The following RARB variants were observed in gnomAD, a reference collection of about 807,000 sequenced individuals.
RARB encodes the protein HBV-activated protein.
In RARB, 17 loss-of-function variants were observed where a neutral mutation model predicts 51.9. The observed-to-expected ratio is 0.33, with a 90% CI of 0.22 to 0.49. RARB has a LOEUF of 0.49. Among genes scored for constraint, RARB ranks in the 20% least tolerant of loss-of-function variants. The pLI is 0.99. For missense variants in RARB, 369 were observed against 550.8 expected, an observed-to-expected ratio of 0.67 and a Z score of 3.30; for synonymous variants, 215 against 195.4, an observed-to-expected ratio of 1.10 and a Z score of -0.84.
chr3:25,036,008 G>A (rs1279657215), intron 2 of RARB, among the ~76,000 whole-genome samples: 1 of 152,166 alleles, frequency 6.6e-6, no homozygotes. Flanking sequence ...GTAGGAAATT[G>A]CTGTTTTTAA....
chr3:25,439,900 T>A (rs890256141), intron 1 of RARB, among the ~76,000 whole-genome samples: 22 of 152,208 alleles, frequency 1.4e-4, no homozygotes, highest in African/African-American at 5.3e-4. Flanking sequence ...GACGCTAACA[T>A]GTGATGCAGT....
At chr3:25,434,243 G>T (rs1708328658) in intron 1 of RARB, among the ~76,000 whole-genome samples, 1 of 152,234 alleles carries the variant, frequency 6.6e-6, no homozygotes. Flanking sequence ...GTGATAGTGG[G>T]TGATGATGTC....
chr3:24,851,574 C>T (rs1191347551), intron 1 of RARB, among the ~76,000 whole-genome samples: 1 of 152,178 alleles, frequency 6.6e-6, no homozygotes, highest in African/African-American at 2.4e-5. Context: ...CATCAATACT[C>T]TTCAATCACA....
chr3:24,999,910 T>TA (rs988801725), intron 2 of RARB, among the ~76,000 whole-genome samples: 1 of 151,848 alleles, frequency 6.6e-6, no homozygotes, highest in African/African-American at 2.4e-5. Flanking sequence ...TGATGCAAGG[T>TA]AAAAAAGAGA....
chr3:25,143,394 A>G (rs6765032), intron 4 of RARB, among the ~76,000 whole-genome samples: 123,346 of 152,106 alleles, frequency 0.81, 50,067 homozygotes, highest in Admixed American at 0.84. Context: ...CCTCTAGTAC[A>G]CAACTTAGCC....
intron 5 of RARB, among the ~76,000 whole-genome samples, chr3:25,174,795 T>C (rs1048834250): frequency 2.6e-5 from 4 of 152,358 alleles, no homozygotes; most frequent in African/African-American, 9.6e-5. Context: ...CTTTGGTATT[T>C]TGCTCTGTTT....
At chr3:25,484,927 C>G (rs971801207) in intron 2 of RARB, among the ~76,000 whole-genome samples, 6 of 151,858 alleles carry the variant, frequency 4.0e-5, no homozygotes, top group Non-Finnish European at 8.8e-5. Flanking sequence ...TTTTTGAAAG[C>G]TGGGAAGGTT....
chr3:25,088,891 A>G (rs1207340658), intron 3 of RARB, among the ~76,000 whole-genome samples: 2 of 152,204 alleles, frequency 1.3e-5, no homozygotes, highest in Admixed American at 1.3e-4. Flanking sequence ...CTAATAATGA[A>G]AAAAGAAGGA....
intron 3 of RARB, among the ~76,000 whole-genome samples, chr3:25,513,926 A>G (rs1001085679): frequency 9.2e-5 from 14 of 152,312 alleles, no homozygotes; most frequent in African/African-American, 3.1e-4. Flanking sequence ...GCTATTTTTT[A>G]TTCTGCTTTA....
intron 5 of RARB, among the ~76,000 whole-genome samples, chr3:25,189,073 A>G (rs1269202169): frequency 6.6e-6 from 1 of 152,192 alleles, no homozygotes; most frequent in Non-Finnish European, 1.5e-5. Flanking sequence ...AGGCATGCAG[A>G]GAAGCACAAA....
intron 3 of RARB, among the ~76,000 whole-genome samples, chr3:25,506,861 C>T (rs1365524610): frequency 6.6e-6 from 1 of 152,246 alleles, no homozygotes; most frequent in East Asian, 1.9e-4. Context: ...ATGCTTCTCC[C>T]CTACCAGTAG....
At chr3:25,197,088 T>A (rs1371809023) in intron 5 of RARB, among the ~76,000 whole-genome samples, 4 of 152,212 alleles carry the variant, frequency 2.6e-5, no homozygotes, top group Admixed American at 1.3e-4. Flanking sequence ...GCCATTTGTC[T>A]GTTTTGGCTT....
At chr3:25,511,141 G>T (rs1304974625) in intron 3 of RARB, among the ~76,000 whole-genome samples, 4 of 150,812 alleles carry the variant, frequency 2.7e-5, no homozygotes, top group African/African-American at 7.3e-5. Flanking sequence ...GTTTTGGTTT[G>T]TTTTTTTTTG....
chr3:25,398,272 C>G (rs1707171403), intron 5 of RARB, among the ~76,000 whole-genome samples: 1 of 152,056 alleles, frequency 6.6e-6, no homozygotes, highest in Admixed American at 6.6e-5. Flanking sequence ...TGGTCCATCA[C>G]CATTAACTAC....
intron 5 of RARB, among the ~76,000 whole-genome samples, chr3:25,314,731 G>T (rs1157362084): frequency 6.6e-6 from 1 of 152,020 alleles, no homozygotes; most frequent in Admixed American, 6.6e-5. Flanking sequence ...GTGGGTACAT[G>T]TGCAGGTTTG....
chr3:25,132,719 GGC>G (rs1699972599), intron 4 of RARB, among the ~76,000 whole-genome samples: 1 of 151,810 alleles, frequency 6.6e-6, no homozygotes, highest in Non-Finnish European at 1.5e-5. Flanking sequence ...CTAAAATAAT[GGC>G]TTTTAAGTGT....
At chr3:25,543,096 G>C (rs1699451884) in intron 3 of RARB, among the ~76,000 whole-genome samples, 1 of 152,166 alleles carries the variant, frequency 6.6e-6, no homozygotes, top group African/African-American at 2.4e-5. Flanking sequence ...AGTAGAGCCA[G>C]GAATGCCACT....
chr3:25,186,940 T>TGTGTGTGTGTG (rs1553641069), intron 5 of RARB, among the ~76,000 whole-genome samples: 49 of 148,554 alleles, frequency 3.3e-4, no homozygotes, highest in East Asian at 1.0e-3. Flanking sequence ...TGTGTGTGTG[T>TGTGTGTGTGTG]TTTCCTGCTA....
chr3:24,835,743 A>C (rs1702337026), intron 1 of RARB, among the ~76,000 whole-genome samples: 1 of 152,294 alleles, frequency 6.6e-6, no homozygotes, highest in Non-Finnish European at 1.5e-5. Flanking sequence ...ATTCATAATG[A>C]TAGAGCGCTG....
Sources: gnomAD v4.1 joint callset for allele counts (sites outside exome capture counted in the v4.1 genomes callset) on GRCh38, gnomAD v4.1.1 for gene constraint, MANE v1.5 for transcripts, NCBI Gene and HGNC (gene_info 2026-07-23, HGNC 2026-07-21) for gene names.